CDH11: variants seen among roughly 807,000 people sequenced by gnomAD.
CDH11 encodes the protein cadherin 11.
Under a neutral mutation model 67.8 loss-of-function variants are expected in CDH11, and 11 were observed. The observed-to-expected ratio is 0.16, with a 90% CI of 0.10 to 0.27. The LOEUF is 0.27. Among genes scored for constraint, CDH11 ranks in the 10% least tolerant of loss-of-function variants. CDH11 has a pLI of 1.00. For missense variants in CDH11, 847 were observed against 1,031.2 expected (o/e 0.82, Z 2.45); for synonymous variants, 419 against 400.0 (o/e 1.05, Z -0.57).
rs534149720 is a variant in CDH11 at position 65,081,399 on chromosome 16, TC to T, written c.-297-27472del. On this transcript the variant is annotated intron_variant, in intron 1 of 12. Coordinates refer to ENST00000268603, the MANE Select transcript of CDH11 (RefSeq NM_001797.4). ...CTGGCTAACATGGTGAAACTCCCTC[TC>T]TACCAAAAATACAAAAAAATTAGCC... 5.7e-4 allele frequency among the ~76,000 whole-genome samples: 86 copies of T among 152,168 alleles called. 1 individual carries two copies. In the East Asian group the frequency reaches 0.016, roughly 28 times the overall value.
intron 1 of CDH11, among the ~76,000 whole-genome samples, chr16:65,066,437 G>A (rs1256588507): frequency 6.6e-6 from 1 of 152,188 alleles, no homozygotes; most frequent in East Asian, 1.9e-4. Flanking sequence ...ATACCAAACA[G>A]GTAAGATTGC....
chr16:64,976,855 C>A (rs1382134490), intron 8 of CDH11, among the ~76,000 whole-genome samples: 1 of 47,506 alleles, frequency 2.1e-5, no homozygotes, highest in Non-Finnish European at 6.2e-5. Flanking sequence ...CTCCAAAAAC[C>A]AACCAACCAA....
chr16:64,948,254 A>C (rs868266417), intron 12 of CDH11, among the ~76,000 whole-genome samples, 155 bp from the exon 13 acceptor site: 3 of 152,166 alleles, frequency 2.0e-5, no homozygotes, highest in African/African-American at 4.8e-5. Context: ...ATCCCTAAGG[A>C]TGTGTAAAAT....
Position 65,065,460 on chromosome 16 carries a change from G to A in CDH11, c.-297-11532C>T, listed in dbSNP as rs143588124. On this transcript the variant is annotated intron_variant, in intron 1 of 12. Transcript: ENST00000268603. ...TAAAGTCATATTAGTTGCAAGGGCT[G>A]CTTCACGAAAGGGACGGGGACACAC... 7.9e-5 allele frequency among the ~76,000 whole-genome samples: 12 copies of A among 152,320 alleles called. No homozygotes were observed. The East Asian group carries it at 2.1e-3, about 27-fold the overall frequency.
chr16:64,975,983 C>T (rs2195431), intron 8 of CDH11, among the ~76,000 whole-genome samples: 16,989 of 152,142 alleles, frequency 0.11, 1,418 homozygotes, highest in East Asian at 0.25. Context: ...CTATTGCAGG[C>T]TTCAGGAAGT....
chr16:64,992,574 T>C (rs1174844734), intron 5 of CDH11, among the ~76,000 whole-genome samples: 1 of 152,258 alleles, frequency 6.6e-6, no homozygotes, highest in Non-Finnish European at 1.5e-5. Flanking sequence ...GGAAGCTTTT[T>C]CTCTCTGTAG....
chr16:65,046,905 C>T (rs2073970807), intron 2 of CDH11, among the ~76,000 whole-genome samples: 1 of 152,080 alleles, frequency 6.6e-6, no homozygotes, highest in Non-Finnish European at 1.5e-5. Context: ...GCCAGGAGCT[C>T]GAGACCAGCC....
At chr16:64,954,970 G>T (rs1053057381) in intron 11 of CDH11, among the ~76,000 whole-genome samples, 2 of 150,534 alleles carry the variant, frequency 1.3e-5, no homozygotes, top group African/African-American at 4.9e-5. Context: ...AAAAAGGCCA[G>T]GCACAGTGGC....
chr16:64,983,183 T>C (rs919182572), intron 7 of CDH11: 1 of 151,752 alleles, frequency 6.6e-6, no homozygotes, highest in African/African-American at 2.4e-5. Flanking sequence ...AGATGGTCTA[T>C]TTAAAGAAAA....
chr16:65,042,322 G>GA (rs1461323543), intron 2 of CDH11, among the ~76,000 whole-genome samples: 2 of 152,166 alleles, frequency 1.3e-5, no homozygotes, highest in African/African-American at 2.4e-5. Context: ...TAGACACAAT[G>GA]AGGAAGTGTC....
In CDH11 at chr16:65,110,624, A is replaced by ATGTGTG. The variant is rs57316241; in HGVS notation, c.-298+11250_-298+11255dup. On this transcript the variant is annotated intron_variant, in intron 1 of 12. Transcript: ENST00000268603. ...CAGAATGAGTTATCCATGGCCAATG[A>ATGTGTG]TGTGTGTGTGTGTGTGTGTGTGTGT... Among the ~76,000 whole-genome samples the ATGTGTG allele has an allele frequency of 1.3e-3, 170 of 135,914 alleles. 1 individual carries two copies. The highest frequency in any genetic ancestry group is 2.7e-3 in the East Asian group (12 of 4,420). 89.2% of individuals were successfully genotyped at this position (135,914 alleles called of 152,430 possible). A position where few individuals can be genotyped will look rare whatever the true frequency, so the allele number is the denominator to read the frequency against.
chr16:65,075,540 G>A (rs1567563610), intron 1 of CDH11, among the ~76,000 whole-genome samples: 1 of 152,178 alleles, frequency 6.6e-6, no homozygotes, highest in Non-Finnish European at 1.5e-5. Context: ...TCTTCCATTA[G>A]GGATTTCTCT....
intron 2 of CDH11, among the ~76,000 whole-genome samples, chr16:65,052,875 T>C (rs913664553): frequency 2.6e-5 from 4 of 152,106 alleles, no homozygotes; most frequent in African/African-American, 9.7e-5. Flanking sequence ...AGCCAAATGA[T>C]AGAATGAATA....
chr16:65,094,674 C>T (rs748364540), intron 1 of CDH11: 2 of 152,090 alleles, frequency 1.3e-5, no homozygotes, highest in Non-Finnish European at 2.9e-5. Flanking sequence ...ATGATCTCCT[C>T]CCAGAAGGAG....
intron 2 of CDH11, among the ~76,000 whole-genome samples, chr16:65,033,263 CACACACACAT>C (rs1358948988): frequency 1.1e-4 from 16 of 145,010 alleles, no homozygotes; most frequent in Middle Eastern, 3.6e-3. Flanking sequence ...CACACACACA[CACACACACAT>C]ACAGATTTTG....
At chr16:64,975,577 A>C (rs2142437980) in intron 8 of CDH11, among the ~76,000 whole-genome samples, 1 of 152,294 alleles carries the variant, frequency 6.6e-6, no homozygotes, top group East Asian at 1.9e-4. Context: ...AGGCTGAGAG[A>C]GTCCCAGGTA....
chr16:65,093,410 G>T (rs1389346729), intron 1 of CDH11, among the ~76,000 whole-genome samples: 1 of 151,954 alleles, frequency 6.6e-6, no homozygotes, highest in Non-Finnish European at 1.5e-5. Context: ...GGTGACAGAA[G>T]TGCCCAGAAC....
At chr16:65,122,266 C>G (rs2075348500), upstream of CDH11, 1 of 412,042 alleles carries the variant, frequency 2.4e-6, no homozygotes, top group Non-Finnish European at 4.4e-6. Context: ...GTCCGCGCCC[C>G]TCCCCCCAGG....
intron 1 of CDH11, among the ~76,000 whole-genome samples, chr16:65,093,591 G>C (rs1238153572): frequency 6.6e-6 from 1 of 152,068 alleles, no homozygotes; most frequent in Admixed American, 6.5e-5. Context: ...AACCATAGCA[G>C]TGTGTATACA....
Sources: allele counts gnomAD v4.1 joint callset (sites outside exome capture counted in the v4.1 genomes callset), GRCh38; gene constraint gnomAD v4.1.1; transcripts MANE v1.5; gene names NCBI Gene and HGNC (gene_info 2026-07-23, HGNC 2026-07-21).